Variants in POFUT4 observed in about 807,000 individuals in gnomAD.
POFUT4 encodes GDP-fucose protein O-fucosyltransferase 4.
At chr10:73,773,875 C>T in the POFUT4 span, 3 of 1,497,784 alleles carry the variant, frequency 2.0e-6, no homozygotes, top group Admixed American at 2.2e-5. Flanking sequence ...TTACTGTGGG[C>T]AATTAAGTAG....
chr10:73,777,475 C>T, the POFUT4 span, among the ~76,000 whole-genome samples: 1 of 152,024 alleles, frequency 6.6e-6, no homozygotes, highest in African/African-American at 2.4e-5. Flanking sequence ...GTAATTATTT[C>T]ATAATCTGTA....
At chr10:73,779,616 A>G in the POFUT4 span, 1 of 151,948 alleles carries the variant, frequency 6.6e-6, no homozygotes, top group South Asian at 2.1e-4. Flanking sequence ...CTGACAAAAG[A>G]GGTCAAATGC....
chr10:73,773,055 G>A, the POFUT4 span: 3 of 1,558,380 alleles, frequency 1.9e-6, no homozygotes, highest in South Asian at 2.4e-5. Context: ...AGTGAGGGCG[G>A]GCCGGAGGGA....
the POFUT4 span, chr10:73,773,744 G>A: frequency 6.2e-7 from 1 of 1,613,878 alleles, no homozygotes; most frequent in Non-Finnish European, 8.5e-7. Context: ...ACATTGCCCA[G>A]CCCTCACACA....
the POFUT4 span, chr10:73,774,072 G>A: frequency 2.4e-5 from 11 of 466,640 alleles, no homozygotes; most frequent in Admixed American, 3.9e-4. Flanking sequence ...CAAAAAGATT[G>A]AACCAGAGTA....
the POFUT4 span, chr10:73,773,637 G>T: frequency 6.2e-7 from 1 of 1,614,136 alleles, no homozygotes; most frequent in African/African-American, 1.3e-5. Flanking sequence ...CTACCTCAAC[G>T]GCTTCGAGTG....
the POFUT4 span, among the ~76,000 whole-genome samples, chr10:73,778,374 C>T: frequency 6.7e-5 from 9 of 133,370 alleles, no homozygotes; most frequent in African/African-American, 2.0e-4. Flanking sequence ...GCCTGGGTGA[C>T]GAGCGAAACT....
the POFUT4 span, chr10:73,774,825 G>A: frequency 6.5e-6 from 1 of 154,968 alleles, no homozygotes; most frequent in Non-Finnish European, 1.4e-5. Flanking sequence ...GTGGGAAAAT[G>A]TTGAAACCAC....
the POFUT4 span, chr10:73,773,109 AGG>A: frequency 5.4e-6 from 2 of 369,932 alleles, no homozygotes; most frequent in African/African-American, 2.5e-5. Context: ...CCAGGTGTCC[AGG>A]ACTCCAGGTG....
the POFUT4 span, chr10:73,774,091 G>A: frequency 5.1e-6 from 2 of 388,446 alleles, no homozygotes; most frequent in Non-Finnish European, 4.6e-6. Context: ...TACAGGGCCT[G>A]TGCAGACAGG....
the POFUT4 span, chr10:73,775,286 T>G: frequency 7.4e-6 from 6 of 812,286 alleles, no homozygotes; most frequent in Non-Finnish European, 1.0e-5. Flanking sequence ...CCCCTCCACA[T>G]TTGGGAGCCA....
the POFUT4 span, among the ~76,000 whole-genome samples, chr10:73,777,310 CAAAA>C: frequency 1.0e-4 from 9 of 86,602 alleles, no homozygotes; most frequent in African/African-American, 3.0e-4. Flanking sequence ...AGTAGGTTGA[CAAAA>C]AAAAAAAAAA....
chr10:73,772,475 C>T, the POFUT4 span: 19 of 1,548,570 alleles, frequency 1.2e-5, no homozygotes, highest in Admixed American at 2.1e-4. Context: ...CGCGGTTTTC[C>T]GGCCGCCCTC....
the POFUT4 span, chr10:73,776,234 ATTTAT>A: frequency 6.6e-6 from 1 of 151,812 alleles, no homozygotes; most frequent in African/African-American, 2.4e-5. Flanking sequence ...TATTTTACTT[ATTTAT>A]TTATTTTTTT....
the POFUT4 span, chr10:73,772,496 G>A: frequency 1.3e-6 from 2 of 1,557,264 alleles, no homozygotes; most frequent in African/African-American, 1.4e-5. Context: ...GGCGCTGGGC[G>A]CAGTGGGGGT....
the POFUT4 span, chr10:73,775,973 A>G: frequency 7.6e-6 from 3 of 394,844 alleles, no homozygotes; most frequent in Non-Finnish European, 1.4e-5. Flanking sequence ...TTTTTAAACT[A>G]CTCACTTCTT....
the POFUT4 span, chr10:73,773,311 A>C: frequency 6.2e-7 from 1 of 1,614,086 alleles, no homozygotes; most frequent in Non-Finnish European, 8.5e-7. Flanking sequence ...TATAAGTTCC[A>C]CTTGGCCCTG....
the POFUT4 span, chr10:73,779,837 G>C: frequency 1.3e-5 from 2 of 152,208 alleles, no homozygotes; most frequent in African/African-American, 2.4e-5. Flanking sequence ...TACGTATAAA[G>C]TGGGCAGTTG....
At chr10:73,779,732 T>G in the POFUT4 span, 8 of 152,200 alleles carry the variant, frequency 5.3e-5, no homozygotes, top group Admixed American at 2.0e-4. Context: ...TTTCATTATG[T>G]GCAATAAAAA....
Sources: allele counts gnomAD v4.1 joint callset (sites outside exome capture counted in the v4.1 genomes callset), GRCh38; gene constraint gnomAD v4.1.1; transcripts MANE v1.5; gene names NCBI Gene and HGNC (gene_info 2026-07-23, HGNC 2026-07-21).